EZH2: variants seen among roughly 807,000 people sequenced by gnomAD.
EZH2 encodes enhancer of zeste 2 polycomb repressive complex 2 subunit, also known as histone-lysine N-methyltransferase EZH2.
In EZH2, 18 loss-of-function variants were observed where a neutral mutation model predicts 98.4. That is an observed-to-expected ratio of 0.18 (90% confidence interval 0.13 to 0.27). The LOEUF (loss-of-function observed/expected upper bound fraction) is 0.27, where lower values mean the gene tolerates loss of function less well. Ranked by LOEUF, EZH2 falls within the 10% of genes least tolerant of loss-of-function variation. EZH2 has a pLI of 1.00. For missense variants in EZH2, 470 were observed against 935.1 expected (o/e 0.50, Z 6.49); for synonymous variants, 338 against 312.3 (o/e 1.08, Z -0.87).
chr7:148,823,894 A>T (rs1806906875), intron 8 of EZH2, among the ~76,000 whole-genome samples: 1 of 152,194 alleles, frequency 6.6e-6, no homozygotes, highest in Non-Finnish European at 1.5e-5. Context: ...AGCTAACAAG[A>T]GCCAGGTACC....
intron 1 of EZH2, among the ~76,000 whole-genome samples, chr7:148,864,409 G>C (rs1454433615): frequency 6.6e-6 from 1 of 152,134 alleles, no homozygotes; most frequent in East Asian, 1.9e-4. Flanking sequence ...TCAGCTGGGG[G>C]CCATGGCTCA....
At chr7:148,847,642 G>A (rs968176425) in intron 1 of EZH2, among the ~76,000 whole-genome samples, 5 of 152,014 alleles carry the variant, frequency 3.3e-5, no homozygotes, top group African/African-American at 1.2e-4. Context: ...GTGGAGGGAA[G>A]AAAATATAAA....
At chr7:148,852,657 G>A (rs1044991639) in intron 1 of EZH2, among the ~76,000 whole-genome samples, 1 of 152,164 alleles carries the variant, frequency 6.6e-6, no homozygotes, top group South Asian at 2.1e-4. Flanking sequence ...TCTTGGAGAA[G>A]AGCCTCAAAG....
Position 148,809,955 on chromosome 7 carries a change from AGATG to A in EZH2, c.2029+374_2029+377del, listed in dbSNP as rs1420411636. Among the ~76,000 whole-genome samples the A allele has an allele frequency of 2.6e-5, 4 of 152,242 alleles. No homozygotes were observed. In the East Asian group the frequency reaches 5.8e-4, roughly 22 times the overall value. ...TTGAGAATATCCAGGGGAGTCTGGA[AGATG>A]GTTGCAAATGCAGTGCTCCTCCCCT... On this transcript the variant is annotated intron_variant, in intron 17 of 19. Coordinates refer to ENST00000320356, the MANE Select transcript of EZH2 (RefSeq NM_004456.5).
At chr7:148,826,214 A>C (rs1807657803) in intron 8 of EZH2, among the ~76,000 whole-genome samples, 1 of 152,158 alleles carries the variant, frequency 6.6e-6, no homozygotes, top group Admixed American at 6.6e-5. Flanking sequence ...GGGGGAAAAA[A>C]AAAAAAATCA....
chr7:148,850,464 A>G (rs915879954), intron 1 of EZH2: 34 of 967,480 alleles, frequency 3.5e-5, no homozygotes, highest in Non-Finnish European at 4.2e-5. Flanking sequence ...CTAATAAAGT[A>G]TATCATGAAA....
At chr7:148,847,445 T>C in intron 1 of EZH2, 140 bp from the exon 2 acceptor site, 1 of 1,035,196 alleles carries the variant, frequency 9.7e-7, no homozygotes, top group South Asian at 1.5e-5. Context: ...AAGGTGCTCA[T>C]TTGTGCTGCA....
At chr7:148,848,167 C>G (rs548094062) in intron 1 of EZH2, among the ~76,000 whole-genome samples, 1 of 152,190 alleles carries the variant, frequency 6.6e-6, no homozygotes, top group Non-Finnish European at 1.5e-5. Context: ...CAAAGCTTTA[C>G]AGGCCACACT....
intron 1 of EZH2, among the ~76,000 whole-genome samples, chr7:148,872,501 T>A (rs953619913): frequency 1.3e-5 from 2 of 152,200 alleles, no homozygotes; most frequent in Non-Finnish European, 2.9e-5. Context: ...TTACAATTTT[T>A]AAAAAAAGTA....
In EZH2 at chr7:148,828,772, T is replaced by G. The variant is rs780251816; in HGVS notation, c.593A>C (p.Glu198Ala). Reference sequence around the variant, plus strand: ...GTGATCCTCCAGATCTTTCTGCTTTTCTTCTCTTTCTTCAGGATCGTCTCC... The same window carrying G: ...GTGATCCTCCAGATCTTTCTGCTTTGCTTCTCTTTCTTCAGGATCGTCTCC... ...DDGDDPEERE[E>A]KQKDLEDHRD... is the part of the protein sequence containing the mutation. Residue 198 changes from glutamate to alanine, a missense_variant, in exon 6 of 20, where the codon GAA becomes GCA. Around this residue, in one of 6 missense-constraint regions of EZH2, gnomAD observed 69 missense variants for 78.3 expected, o/e 0.88. Coordinates refer to ENST00000320356, the MANE Select transcript of EZH2 (RefSeq NM_004456.5). The G allele has an allele frequency of 6.2e-7, 1 of 1,613,966 alleles. No homozygotes were observed. The highest frequency in any genetic ancestry group is 8.5e-7 in the Non-Finnish European group (1 of 1,179,998).
chr7:148,866,795 A>C (rs1032581568), intron 1 of EZH2, among the ~76,000 whole-genome samples: 1 of 148,970 alleles, frequency 6.7e-6, no homozygotes, highest in Non-Finnish European at 1.5e-5. Context: ...TCTCACTGCA[A>C]CCTCCACCTC....
At chr7:148,863,560 C>T (rs1818011041) in intron 1 of EZH2, among the ~76,000 whole-genome samples, 1 of 152,142 alleles carries the variant, frequency 6.6e-6, no homozygotes, top group South Asian at 2.1e-4. Flanking sequence ...ACAACGCCAT[C>T]CTACCAACCA....
chr7:148,830,615 C>T (rs1043251274), intron 4 of EZH2, among the ~76,000 whole-genome samples: 1 of 151,898 alleles, frequency 6.6e-6, no homozygotes, highest in Non-Finnish European at 1.5e-5. Flanking sequence ...GAACATTCTA[C>T]AAAAACATAA....
At chr7:148,858,699 T>A (rs1036596652) in intron 1 of EZH2, among the ~76,000 whole-genome samples, 1 of 152,140 alleles carries the variant, frequency 6.6e-6, no homozygotes, top group Non-Finnish European at 1.5e-5. Flanking sequence ...CTAATTTTTT[T>A]TAATTTATTT....
intron 1 of EZH2, among the ~76,000 whole-genome samples, chr7:148,857,895 A>C (rs1291458238): frequency 6.6e-6 from 1 of 152,104 alleles, no homozygotes; most frequent in African/African-American, 2.4e-5. Context: ...GTGATAACAG[A>C]AACAAATTTT....
intron 1 of EZH2, among the ~76,000 whole-genome samples, chr7:148,849,875 C>T (rs192536150): frequency 4.9e-4 from 75 of 152,286 alleles, no homozygotes; most frequent in Admixed American, 3.1e-3. Flanking sequence ...AAGGAATGAT[C>T]TGTAGCCTCA....
Position 148,812,442 on chromosome 7 carries a change from A to G in EZH2, c.1852-722T>C, listed in dbSNP as rs1803356095. Among the ~76,000 whole-genome samples, 3 of 152,162 alleles carry G rather than the reference A, an allele frequency of 2.0e-5. No individual in the cohort carries two copies. In the South Asian group the frequency reaches 6.2e-4, roughly 32 times the overall value. On this transcript the variant is annotated intron_variant, in intron 15 of 19. Transcript: ENST00000320356. ...TGCTTTCATCCAAAATTTTCTTGTG[A>G]CCTTTACAAAGGCTTCCTATCTATT...
chr7:148,844,595 T>C (rs1813482137), intron 3 of EZH2, among the ~76,000 whole-genome samples: 3 of 152,188 alleles, frequency 2.0e-5, no homozygotes, highest in African/African-American at 7.2e-5. Flanking sequence ...ATTCTCAATC[T>C]GCGTGTGTGT....
Position 148,812,201 on chromosome 7 carries a change from G to C in EZH2, c.1852-481C>G, listed in dbSNP as rs538005233. On this transcript the variant is annotated intron_variant, in intron 15 of 19. Transcript: ENST00000320356. ...CACCCCCTGATTCTTCACTGGCGTTGGTTCCCTCTGAAGCCCATAGCAGCT... is the reference window on the plus strand; with the variant it reads ...CACCCCCTGATTCTTCACTGGCGTTCGTTCCCTCTGAAGCCCATAGCAGCT... 7.9e-5 allele frequency among the ~76,000 whole-genome samples: 12 copies of C among 152,234 alleles called. No individual in the cohort carries two copies. In the South Asian group the frequency reaches 2.5e-3, roughly 32 times the overall value.
Sources: gnomAD v4.1 joint callset for allele counts (sites outside exome capture counted in the v4.1 genomes callset) on GRCh38, gnomAD v4.1.1 for gene constraint, gnomAD v4.1.1 regional missense constraint, MANE v1.5 for transcripts, NCBI Gene and HGNC (gene_info 2026-07-23, HGNC 2026-07-21) for gene names.